The following CELF2 variants were observed in gnomAD, a reference collection of about 807,000 sequenced individuals.
The protein encoded by CELF2 is CUGBP Elav-like family member 2, also known as CUG triplet repeat RNA-binding protein 2.
A neutral mutation model predicts 62.6 loss-of-function variants in CELF2; 8 were observed. That is an observed-to-expected ratio of 0.13 (90% CI 0.07 to 0.23). CELF2 has a LOEUF of 0.23. CELF2 is among the 10% of genes least tolerant of loss of function. The pLI, the probability that CELF2 is intolerant of heterozygous loss-of-function variation, is 1.00. For missense variants in CELF2, 333 were observed against 671.0 expected (o/e 0.50, Z 5.56); for synonymous variants, 258 against 250.0 (o/e 1.03, Z -0.30).
chr10:10,812,006 G>A (rs1386165993), intron 1 of CELF2, among the ~76,000 whole-genome samples: 5 of 152,102 alleles, frequency 3.3e-5, no homozygotes, highest in Non-Finnish European at 5.9e-5. Flanking sequence ...ATGCTGTCCA[G>A]TCCACAGTAA....
the CELF2 span, among the ~76,000 whole-genome samples, chr10:10,733,094 ACAGT>A: frequency 5.3e-5 from 8 of 152,168 alleles, no homozygotes; most frequent in African/African-American, 1.7e-4. Context: ...CAATCTACTA[ACAGT>A]CAATCAAGCA....
chr10:11,193,365 C>G (rs796710482), intron 2 of CELF2, among the ~76,000 whole-genome samples: 10 of 152,346 alleles, frequency 6.6e-5, no homozygotes, highest in African/African-American at 2.4e-4. Flanking sequence ...TAAGAAATCA[C>G]ACATTTCTGT....
intron 5 of CELF2, among the ~76,000 whole-genome samples, chr10:11,261,721 T>C (rs2080669336): frequency 6.6e-6 from 1 of 152,176 alleles, no homozygotes; most frequent in African/African-American, 2.4e-5. Flanking sequence ...TCAAGCAACT[T>C]TGGGATGCTC....
chr10:11,173,769 G>A (rs186508402), intron 2 of CELF2, among the ~76,000 whole-genome samples: 9 of 152,254 alleles, frequency 5.9e-5, no homozygotes, highest in South Asian at 4.1e-4. Flanking sequence ...ATGCCAGAGC[G>A]TACAGCCATG....
At chr10:10,705,706 G>A in the CELF2 span, among the ~76,000 whole-genome samples, 1 of 152,172 alleles carries the variant, frequency 6.6e-6, no homozygotes, top group Non-Finnish European at 1.5e-5. Flanking sequence ...ATGGAGTCCA[G>A]ATTCTTTATA....
chr10:10,716,996 C>A, the CELF2 span, among the ~76,000 whole-genome samples: 1 of 152,118 alleles, frequency 6.6e-6, no homozygotes, highest in Non-Finnish European at 1.5e-5. Context: ...CATGCGGGCA[C>A]GTGAATCAGT....
chr10:11,079,742 C>CA (rs199702101), intron 1 of CELF2, among the ~76,000 whole-genome samples: 6 of 54,450 alleles, frequency 1.1e-4, no homozygotes, highest in Non-Finnish European at 1.4e-4. Flanking sequence ...ACTAATACAG[C>CA]CCCCCCCCCC....
chr10:11,271,910 G>A (rs2083936504), intron 7 of CELF2, among the ~76,000 whole-genome samples: 3 of 152,168 alleles, frequency 2.0e-5, no homozygotes, highest in South Asian at 2.1e-4. Flanking sequence ...TATGAGGAAA[G>A]GGAGACTCAA....
chr10:10,731,721 G>T, the CELF2 span, among the ~76,000 whole-genome samples: 2 of 152,120 alleles, frequency 1.3e-5, no homozygotes, highest in Non-Finnish European at 2.9e-5. Flanking sequence ...AGCATATTTA[G>T]TATCCATACA....
intron 2 of CELF2, among the ~76,000 whole-genome samples, chr10:10,967,227 T>C (rs2050212171): frequency 6.6e-6 from 1 of 152,150 alleles, no homozygotes; most frequent in Non-Finnish European, 1.5e-5. Context: ...ATTTGAACAG[T>C]TTGAACAGGT....
intron 1 of CELF2, among the ~76,000 whole-genome samples, chr10:10,860,115 G>C (rs964381120): frequency 6.6e-6 from 1 of 152,070 alleles, no homozygotes; most frequent in Non-Finnish European, 1.5e-5. Flanking sequence ...CCAAAAAATA[G>C]AGAAGTGTGA....
chr10:10,849,302 T>C (rs565309370), intron 1 of CELF2, among the ~76,000 whole-genome samples: 3 of 151,628 alleles, frequency 2.0e-5, no homozygotes, highest in Admixed American at 1.3e-4. Flanking sequence ...CCCAGCTACT[T>C]GGGAGGATGA....
At position 10,852,629 on chromosome 10, in the gene CELF2, C is replaced by G. The variant is rs78979287; in HGVS notation, c.53+53812C>G. Among the ~76,000 whole-genome samples the G allele has an allele frequency of 7.6e-3, 1,160 of 152,208 alleles. 31 individuals are homozygous for G. In the East Asian group the frequency reaches 0.095, roughly 13 times the overall value. On this transcript the variant is annotated intron_variant, in intron 1 of 13. Transcript: ENST00000636488. The stretch of plus-strand genomic sequence containing the variant: ...ATACAAAACTGGGGAAATCTGAATA[C>G]GATCCATGGATTGAATCACTGTCCA...
At chr10:10,577,251 G>A in the CELF2 span, among the ~76,000 whole-genome samples, 1 of 152,050 alleles carries the variant, frequency 6.6e-6, no homozygotes, top group Admixed American at 6.6e-5. Flanking sequence ...TTCCTTAGTA[G>A]GGAGGAATCA....
the CELF2 span, among the ~76,000 whole-genome samples, chr10:10,664,155 G>A: frequency 6.6e-6 from 1 of 152,226 alleles, no homozygotes; most frequent in South Asian, 2.1e-4. Flanking sequence ...CACATCACAA[G>A]CTGAAGCTAG....
At chr10:10,861,624 T>C (rs1487970579) in intron 1 of CELF2, among the ~76,000 whole-genome samples, 1 of 152,172 alleles carries the variant, frequency 6.6e-6, no homozygotes, top group Non-Finnish European at 1.5e-5. Flanking sequence ...ACCACCCAAC[T>C]CTATGCCTTC....
At chr10:10,462,775 T>C in the CELF2 span, among the ~76,000 whole-genome samples, 3 of 152,126 alleles carry the variant, frequency 2.0e-5, no homozygotes, top group South Asian at 6.2e-4. Flanking sequence ...ATACTTATAA[T>C]GGTTAATAAC....
At chr10:10,823,740 A>G (rs713133) in intron 1 of CELF2, among the ~76,000 whole-genome samples, 95,211 of 152,120 alleles carry the variant, frequency 0.63, 30,110 homozygotes, top group African/African-American at 0.71. Flanking sequence ...TGCAAGCCAA[A>G]CAATGTTCTA....
chr10:11,326,298 T>C (rs1042239991), intron 12 of CELF2, among the ~76,000 whole-genome samples: 3 of 152,230 alleles, frequency 2.0e-5, no homozygotes, highest in Non-Finnish European at 4.4e-5. Context: ...CAACACCATA[T>C]TGGGGGCTTA....
Sources: gnomAD v4.1 joint callset for allele counts (sites outside exome capture counted in the v4.1 genomes callset) on GRCh38, gnomAD v4.1.1 for gene constraint, MANE v1.5 for transcripts, NCBI Gene and HGNC (gene_info 2026-07-23, HGNC 2026-07-21) for gene names.